The following ITGA8 variants were observed in gnomAD, a reference collection of about 807,000 sequenced individuals.
The protein encoded by ITGA8 is integrin alpha-8.
Under a neutral mutation model 142.3 loss-of-function variants are expected in ITGA8, and 91 were observed. The ratio of observed to expected loss-of-function variants is 0.64; its 90% CI spans 0.54 to 0.76. ITGA8 has a LOEUF of 0.76. Among genes scored for constraint, ITGA8 ranks in the 30% least tolerant of loss-of-function variants. ITGA8 has a pLI of 0.00. For missense variants in ITGA8, 1,406 were observed against 1,327.7 expected, an observed-to-expected ratio of 1.06 and a Z score of -0.92; for synonymous variants, 505 against 485.2, an observed-to-expected ratio of 1.04 and a Z score of -0.54.
At chr10:15,705,357 G>GA (rs777735342) in intron 2 of ITGA8, among the ~76,000 whole-genome samples, 1 of 152,204 alleles carries the variant, frequency 6.6e-6, no homozygotes, top group Non-Finnish European at 1.5e-5. Flanking sequence ...CAAGCAATGA[G>GA]AAAAGATCAT....
chr10:15,540,219 T>A (rs1406581136), intron 27 of ITGA8, among the ~76,000 whole-genome samples: 2 of 152,224 alleles, frequency 1.3e-5, no homozygotes, highest in African/African-American at 4.8e-5. Flanking sequence ...CCCACTGTAC[T>A]ACTGACTATC....
intron 27 of ITGA8, among the ~76,000 whole-genome samples, chr10:15,531,860 G>T (rs1833303673): frequency 6.6e-6 from 1 of 152,012 alleles, no homozygotes; most frequent in African/African-American, 2.4e-5. Context: ...CAGCAGAATC[G>T]CTTGAACCTG....
In ITGA8 at chr10:15,515,182, C is replaced by T. The variant is rs758691233; in HGVS notation, c.*1976G>A. On this transcript the variant is annotated 3_prime_UTR_variant, in exon 30 of 30. Coordinates refer to ENST00000378076, the MANE Select transcript of ITGA8 (RefSeq NM_003638.3). ...ATCACATCCTGTAGATGGCCACCTA[C>T]TTGTAAAACCAGCTCTACCTGGAAG... The T allele has an allele frequency of 4.6e-5, 7 of 152,210 alleles. No individual in the cohort carries two copies. Among genetic ancestry groups the T allele is most frequent in the Admixed American group, 6.5e-5 (1 of 15,282 alleles). 9.4% of individuals were successfully genotyped at this position (152,210 alleles called of 1,614,324 possible).
intron 8 of ITGA8, among the ~76,000 whole-genome samples, chr10:15,670,115 C>T (rs1272194994): frequency 2.0e-5 from 3 of 152,170 alleles, no homozygotes; most frequent in East Asian, 3.9e-4. Flanking sequence ...TGTTCCTATT[C>T]GGCCATCTTG....
At chr10:15,656,186 CAAGAG>C (rs1208791066) in intron 10 of ITGA8, among the ~76,000 whole-genome samples, 1 of 152,064 alleles carries the variant, frequency 6.6e-6, no homozygotes, top group East Asian at 1.9e-4. Context: ...GCGCTGATGA[CAAGAG>C]AAGAGTTAGG....
At chr10:15,700,476 C>T (rs1835141515) in intron 2 of ITGA8, among the ~76,000 whole-genome samples, 1 of 152,216 alleles carries the variant, frequency 6.6e-6, no homozygotes, top group Non-Finnish European at 1.5e-5. Context: ...CTTCTCATTA[C>T]TCAGATGAGA....
intron 8 of ITGA8, among the ~76,000 whole-genome samples, chr10:15,663,896 A>C (rs184489588): frequency 1.3e-5 from 2 of 152,132 alleles, no homozygotes; most frequent in Non-Finnish European, 2.9e-5. Context: ...ATGCCACATT[A>C]AAAAAAATAA....
At chr10:15,591,036 C>T (rs1234414519) in intron 22 of ITGA8, among the ~76,000 whole-genome samples, 2 of 152,080 alleles carry the variant, frequency 1.3e-5, no homozygotes, top group African/African-American at 4.8e-5. Flanking sequence ...TTTAAAAAAT[C>T]CTAAGCCTTT....
chr10:15,587,212 C>T (rs889138234), intron 22 of ITGA8, among the ~76,000 whole-genome samples: 11 of 152,168 alleles, frequency 7.2e-5, no homozygotes, highest in South Asian at 4.1e-4. Context: ...TGAGCCACCC[C>T]GCCCAGCCAA....
chr10:15,534,475 T>C (rs1259550755), intron 27 of ITGA8, among the ~76,000 whole-genome samples: 3 of 152,324 alleles, frequency 2.0e-5, no homozygotes, highest in South Asian at 4.1e-4. Context: ...GAGAGCTTGC[T>C]TAATCAATAC....
chr10:15,606,348 A>T lies in ITGA8; in HGVS notation c.1839T>A (p.Phe613Leu), dbSNP rs762354525. 6.8e-6 allele frequency: 11 copies of T among 1,612,208 alleles called. No homozygotes were observed. In the South Asian group the frequency reaches 1.2e-4, roughly 18 times the overall value. The change falls in exon 18 of 30, where the codon TTT becomes TTA. Residue 613 changes from phenylalanine (F) to leucine (L), a missense_variant. Transcript: ENST00000378076. Reference protein sequence around the residue: ...SLNYSLDESTFKEGLEVKPIL... With the variant: ...SLNYSLDESTLKEGLEVKPIL... ...TTGGTTTCACTTCCAGGCCTTCTTTAAAGGTGGATTCGTCCAAACTGTAAT... is the reference window on the plus strand; with the variant it reads ...TTGGTTTCACTTCCAGGCCTTCTTTTAAGGTGGATTCGTCCAAACTGTAAT...
At position 15,696,861 on chromosome 10, in the gene ITGA8, C is replaced by CAA. The variant is rs750418009; in HGVS notation, c.344-8825_344-8824dup. Among the ~76,000 whole-genome samples, 400 of 52,484 alleles carry CAA rather than the reference C, an allele frequency of 7.6e-3. 6 individuals carry two copies. The highest frequency in any genetic ancestry group is 0.023 in the African/African-American group (359 of 15,948). The allele number at this position is 52,484 out of a possible 152,430, so 34.4% of individuals were successfully genotyped here. A position where few individuals can be genotyped will look rare whatever the true frequency, so the allele number is the denominator to read the frequency against. On this transcript the variant is annotated intron_variant, in intron 2 of 29. Coordinates refer to ENST00000378076, the MANE Select transcript of ITGA8 (RefSeq NM_003638.3). ...AACATGGCAAAACCCTAACTCTTAC[C>CAA]AAAAAAAAAAAAAAAAAAAAAATTA... is the stretch of plus-strand genomic sequence containing the variant.
At chr10:15,558,838 T>A (rs1048895637) in intron 25 of ITGA8, among the ~76,000 whole-genome samples, 6 of 152,222 alleles carry the variant, frequency 3.9e-5, no homozygotes, top group Admixed American at 2.6e-4. Context: ...CTATTTTATC[T>A]CAGGTTCCAT....
intron 18 of ITGA8, 70 bp from the exon 19 acceptor site, chr10:15,605,861 C>G: frequency 7.2e-7 from 1 of 1,388,970 alleles, no homozygotes; most frequent in Non-Finnish European, 1.0e-6. Flanking sequence ...CTTGAAAATT[C>G]TGAATGGTGC....
chr10:15,671,771 A>G, intron 7 of ITGA8, 124 bp from the exon 8 acceptor site: 1 of 706,018 alleles, frequency 1.4e-6, no homozygotes, highest in Non-Finnish European at 2.4e-6. Context: ...CAAATATTAT[A>G]AAAGTTAAAG....
chr10:15,672,501 TA>T, intron 7 of ITGA8, 122 bp downstream of exon 7: 1 of 1,212,328 alleles, frequency 8.2e-7, no homozygotes, highest in Non-Finnish European at 1.1e-6. Flanking sequence ...GAGTCCACTC[TA>T]ATAAGAGAAC....
In ITGA8 at chr10:15,655,340, G is replaced by T. The variant is rs558953190; in HGVS notation, c.1001+14C>A. The T allele has an allele frequency of 6.6e-7, 1 of 1,523,060 alleles. No individual in the cohort carries two copies. Among genetic ancestry groups the T allele is most frequent in the Non-Finnish European group, 9.1e-7 (1 of 1,098,104 alleles). The allele number at this position is 1,523,060 out of a possible 1,614,324, so 94.3% of individuals were successfully genotyped here. The stretch of plus-strand genomic sequence containing the variant: ...ATGTAATATATTGTATATGAGAGAG[G>T]TCTATAAACTTACCCATCACTGTTA... On this transcript the variant is annotated intron_variant, in intron 11 of 29. Transcript: ENST00000378076.
chr10:15,669,323 C>G (rs1047643789), intron 8 of ITGA8, among the ~76,000 whole-genome samples: 4 of 152,202 alleles, frequency 2.6e-5, no homozygotes, highest in Non-Finnish European at 5.9e-5. Flanking sequence ...GCTACTGAGG[C>G]TTCTGCATTT....
intron 13 of ITGA8, among the ~76,000 whole-genome samples, chr10:15,621,576 A>T (rs1011806216): frequency 6.6e-6 from 1 of 152,220 alleles, no homozygotes; most frequent in East Asian, 1.9e-4. Flanking sequence ...ATTTGAAAAC[A>T]TCAGCTTTGT....
Sources: allele counts gnomAD v4.1 joint callset (sites outside exome capture counted in the v4.1 genomes callset), GRCh38; gene constraint gnomAD v4.1.1; transcripts MANE v1.5; gene names NCBI Gene and HGNC (gene_info 2026-07-23, HGNC 2026-07-21).